Variants in OVOL2 observed in about 807,000 individuals in gnomAD.
OVOL2 encodes transcription factor Ovo-like 2.
OVOL2 carries 13 observed loss-of-function variants against 18.1 expected under a neutral mutation model. The observed-to-expected ratio is 0.72, with a 90% confidence interval of 0.47 to 1.14. OVOL2 has a LOEUF of 1.14. Ranked by LOEUF, OVOL2 falls within the 50% of genes most tolerant of loss-of-function variation. OVOL2 has a pLI of 0.00. For missense variants in OVOL2, 335 were observed against 383.0 expected (o/e 0.87, Z 1.05); for synonymous variants, 166 against 162.7 (o/e 1.02, Z -0.16).
intron 3 of OVOL2, among the ~76,000 whole-genome samples, chr20:18,030,498 G>A (rs1274210028): frequency 1.3e-5 from 2 of 152,174 alleles, no homozygotes; most frequent in Non-Finnish European, 2.9e-5. Flanking sequence ...GGCCAGCCAG[G>A]CCACCACTCA....
Position 18,024,742 on chromosome 20 carries a change from G to T in OVOL2, c.722C>A (p.Ser241Ter). 1 of 1,614,156 alleles carries T rather than the reference G, an allele frequency of 6.2e-7. No individual in the cohort carries two copies. The highest frequency in any genetic ancestry group is 8.5e-7 in the Non-Finnish European group (1 of 1,180,040). ...TTTTTTAGATGTCTTTTTGAGAAAC[G>T]AGCTGCCCGGATGGGCACTGTTCAC... ...LHVNSAHPGS[S>*]FLKKTSKKLA... is the part of the protein sequence containing the mutation. The change falls in exon 4 of 4, where the codon TCG (serine) becomes TAG (stop). Residue 241 changes from serine (S) to a stop codon, truncating the protein, a stop_gained. Transcript: ENST00000278780. LOFTEE classifies it low-confidence loss of function (END_TRUNC).
At chr20:18,028,351 ATT>A (rs1261350214) in intron 3 of OVOL2, among the ~76,000 whole-genome samples, 8 of 151,682 alleles carry the variant, frequency 5.3e-5, no homozygotes, top group African/African-American at 1.9e-4. Context: ...TAATTTTTTT[ATT>A]TTTAGTAGAG....
At chr20:18,025,013 C>T in intron 3 of OVOL2, 61 bp from the exon 4 acceptor site, 1 of 1,534,910 alleles carries the variant, frequency 6.5e-7, no homozygotes, top group Non-Finnish European at 8.8e-7. Flanking sequence ...AACCACCCAA[C>T]TATGAAGCCA....
intron 3 of OVOL2, among the ~76,000 whole-genome samples, chr20:18,036,793 G>A (rs528197504): frequency 2.0e-5 from 3 of 152,170 alleles, no homozygotes; most frequent in Admixed American, 2.0e-4. Flanking sequence ...CTACTAATAG[G>A]TCTGAGTTTC....
chr20:18,055,089 C>T (rs139313232), intron 2 of OVOL2, among the ~76,000 whole-genome samples: 8 of 152,084 alleles, frequency 5.3e-5, no homozygotes, highest in African/African-American at 1.9e-4. Flanking sequence ...TGCCTCCCGC[C>T]CCCCTTCCCC....
intron 2 of OVOL2, among the ~76,000 whole-genome samples, chr20:18,047,727 G>A (rs1287568080): frequency 3.4e-5 from 5 of 147,778 alleles, no homozygotes; most frequent in Admixed American, 1.4e-4. Flanking sequence ...GGTGGTAGGT[G>A]CCTATAATCC....
At chr20:18,029,550 A>T (rs2036549449) in intron 3 of OVOL2, among the ~76,000 whole-genome samples, 1 of 152,150 alleles carries the variant, frequency 6.6e-6, no homozygotes, top group Non-Finnish European at 1.5e-5. Flanking sequence ...GTGAAGGCTT[A>T]CACTTGCCAT....
At chr20:18,052,500 TGG>T (rs2036779469) in intron 2 of OVOL2, among the ~76,000 whole-genome samples, 1 of 151,750 alleles carries the variant, frequency 6.6e-6, no homozygotes, top group Non-Finnish European at 1.5e-5. Flanking sequence ...GGGCAAGGGG[TGG>T]GAGTGTGGCT....
chr20:18,056,057 C>T lies in OVOL2; in HGVS notation c.321+600G>A, dbSNP rs1297915347. The stretch of plus-strand genomic sequence containing the variant: ...GAAATCTGTAGTTGAACCCTTTTAC[C>T]CATCAATTTAATTCAAGATTGGAAA... On this transcript the variant is annotated intron_variant, in intron 2 of 3. Transcript: ENST00000278780. This position sits in a 1 kb window ranked among gnomAD's most constrained non-coding sequence, Gnocchi z 4.2. 6.6e-6 allele frequency among the ~76,000 whole-genome samples: 1 copy of T among 152,192 alleles called. No homozygotes were observed. Among genetic ancestry groups the T allele is most frequent in the Non-Finnish European group, 1.5e-5 (1 of 68,036 alleles).
intron 2 of OVOL2, among the ~76,000 whole-genome samples, chr20:18,046,417 G>C (rs924427355): frequency 5.3e-5 from 8 of 152,166 alleles, no homozygotes; most frequent in African/African-American, 1.7e-4. Flanking sequence ...GTGAGCCCTT[G>C]TGGATGTCCA....
At chr20:18,054,842 G>A (rs540935983) in intron 2 of OVOL2, among the ~76,000 whole-genome samples, 1 of 151,660 alleles carries the variant, frequency 6.6e-6, no homozygotes, top group Non-Finnish European at 1.5e-5. Context: ...AGTTCAGCAT[G>A]CCTTGGAAAG....
In OVOL2 at chr20:18,056,719, C is replaced by A. The variant is rs780325075; in HGVS notation, c.259G>T (p.Ala87Ser). Reference protein sequence around the residue: ...PESETPEPGDAEGPDGHLATK... With the variant: ...PESETPEPGDSEGPDGHLATK... ...GCCAGGTGTCCATCGGGGCCCTCGG[C>A]GTCGCCGGGCTCGGGGGTTTCGCTC... Residue 87 changes from alanine to serine, a missense_variant, in exon 2 of 4, where the codon GCC (alanine) becomes TCC (serine). Physicochemically the swap from Ala to Ser is moderately conservative, Grantham distance 99 (BLOSUM62 1). Coordinates refer to ENST00000278780, the MANE Select transcript of OVOL2 (RefSeq NM_021220.4). The surrounding 1 kb of genome is among the most constrained non-coding windows in gnomAD (Gnocchi z 4.2). 1.4e-6 allele frequency: 2 copies of A among 1,462,928 alleles called. No individual in the cohort carries two copies. The highest frequency in any genetic ancestry group is 1.8e-6 in the Non-Finnish European group (2 of 1,113,422). The allele number at this position is 1,462,928 out of a possible 1,614,324, so 90.6% of individuals were successfully genotyped here. A position where few individuals can be genotyped will look rare whatever the true frequency, so the allele number is the denominator to read the frequency against.
chr20:18,025,869 C>T (rs1432794312), intron 3 of OVOL2, among the ~76,000 whole-genome samples: 1 of 152,226 alleles, frequency 6.6e-6, no homozygotes, highest in Non-Finnish European at 1.5e-5. Flanking sequence ...GATTCTCCAT[C>T]CCCAGCACTT....
chr20:18,043,480 G>A (rs551813854), intron 2 of OVOL2, among the ~76,000 whole-genome samples: 2 of 152,144 alleles, frequency 1.3e-5, no homozygotes, highest in Non-Finnish European at 2.9e-5. Context: ...GACAGCCAAA[G>A]GCCACATGGG....
intron 3 of OVOL2, among the ~76,000 whole-genome samples, chr20:18,026,382 A>ATTTT (rs11337430): frequency 2.9e-5 from 4 of 138,868 alleles, no homozygotes; most frequent in Admixed American, 7.2e-5. Context: ...TCAGGAATCC[A>ATTTT]TTTTTTTTTT....
chr20:18,025,811 C>G (rs1294950561), intron 3 of OVOL2, among the ~76,000 whole-genome samples: 1 of 152,216 alleles, frequency 6.6e-6, no homozygotes, highest in Non-Finnish European at 1.5e-5. Flanking sequence ...CCCACCCCTC[C>G]AGGAGCTGAG....
At chr20:18,047,369 C>T (rs554204768) in intron 2 of OVOL2, among the ~76,000 whole-genome samples, 5 of 149,420 alleles carry the variant, frequency 3.3e-5, no homozygotes, top group East Asian at 3.9e-4. Flanking sequence ...AAAAATTAGC[C>T]GCGCATGGTG....
At position 18,036,919 on chromosome 20, in the gene OVOL2, G is replaced by A. The variant is rs184187466; in HGVS notation, c.511+4615C>T. Among the ~76,000 whole-genome samples, 526 of 152,078 alleles carry A rather than the reference G, an allele frequency of 3.5e-3. 5 individuals are homozygous for A. The highest frequency in any genetic ancestry group is 0.011 in the African/African-American group (443 of 41,494). On this transcript the variant is annotated intron_variant, in intron 3 of 3. Transcript: ENST00000278780. The stretch of plus-strand genomic sequence containing the variant: ...TGGGAGGCCGAGGCGGGCGGATCAC[G>A]AGGTCAGGAGATCGAGACCATCCTG...
chr20:18,029,330 A>G (rs530154882), intron 3 of OVOL2, among the ~76,000 whole-genome samples: 1 of 152,262 alleles, frequency 6.6e-6, no homozygotes, highest in South Asian at 2.1e-4. Context: ...CGCCCGGCCT[A>G]CATATGTATT....
Sources: gnomAD v4.1 joint callset for allele counts (sites outside exome capture counted in the v4.1 genomes callset) on GRCh38, gnomAD v4.1.1 for gene constraint, Gnocchi (gnomAD v3.1) non-coding constraint, MANE v1.5 for transcripts, NCBI Gene and HGNC (gene_info 2026-07-23, HGNC 2026-07-21) for gene names.